KLC4: variants seen among roughly 807,000 people sequenced by gnomAD.
The protein encoded by KLC4 is kinesin-like protein 8.
Under a neutral mutation model 77.2 loss-of-function variants are expected in KLC4, and 49 were observed. The ratio of observed to expected loss-of-function variants is 0.63; its 90% CI spans 0.50 to 0.80. KLC4 has a LOEUF of 0.80. Ranked by LOEUF, KLC4 falls within the 30% of genes least tolerant of loss-of-function variation. The pLI is 0.00. For missense variants in KLC4, 669 were observed against 793.5 expected, an observed-to-expected ratio of 0.84 and a Z score of 1.89; for synonymous variants, 274 against 314.5, an observed-to-expected ratio of 0.87 and a Z score of 1.36.
chr6:43,068,577 G>A (rs1765571465), intron 6 of KLC4, among the ~76,000 whole-genome samples: 1 of 150,906 alleles, frequency 6.6e-6, no homozygotes, highest in Middle Eastern at 3.3e-3. Context: ...GGAGGCCAAG[G>A]CAGGTCGATC....
rs1765459531 is a variant in KLC4 at position 43,066,882 on chromosome 6, G to A, written c.792-114G>A. ...CCTTACTGTCCACGCCAGGCTTCCT[G>A]TCTCCTCATGGAGGTCTCCAATCCT... is the stretch of plus-strand genomic sequence containing the variant. On this transcript the variant is annotated intron_variant, in intron 5 of 15. Transcript: ENST00000347162. 6 of 1,469,354 alleles carry A rather than the reference G, an allele frequency of 4.1e-6. No homozygotes were observed. The Admixed American group carries it at 1.1e-4, about 26-fold the overall frequency. 91.0% of individuals were successfully genotyped at this position (1,469,354 alleles called of 1,614,324 possible). A position where few individuals can be genotyped will look rare whatever the true frequency, so the allele number is the denominator to read the frequency against.
intron 1 of KLC4, chr6:43,060,551 T>C: frequency 8.0e-7 from 1 of 1,253,378 alleles, no homozygotes; most frequent in Middle Eastern, 3.4e-4. Context: ...TGCAGAACAG[T>C]TTCTTCCGTG....
In KLC4 at chr6:43,075,018, C is replaced by T. The variant is rs1582033581; in HGVS notation, c.*346C>T. 3.2e-6 allele frequency: 1 copy of T among 313,152 alleles called. No individual in the cohort carries two copies. Among genetic ancestry groups the T allele is most frequent in the Non-Finnish European group, 6.0e-6 (1 of 166,306 alleles). 19.4% of individuals were successfully genotyped at this position (313,152 alleles called of 1,614,324 possible). On this transcript the variant is annotated 3_prime_UTR_variant, in exon 16 of 16. Coordinates refer to ENST00000347162, the MANE Select transcript of KLC4 (RefSeq NM_201521.3). ...GCCAAGCTGCCTTGCCCTGGCCGCTCTTACTCCCTCCCTCTGCTGTCTCAC... is the reference window on the plus strand; with the variant it reads ...GCCAAGCTGCCTTGCCCTGGCCGCTTTTACTCCCTCCCTCTGCTGTCTCAC...
In KLC4 at chr6:43,071,798, A is replaced by AT. The variant is rs1164450491; in HGVS notation, c.1309-52dup. 5.7e-6 allele frequency: 9 copies of AT among 1,575,330 alleles called. No homozygotes were observed. The African/African-American group carries it at 1.1e-4, about 19-fold the overall frequency. On this transcript the variant is annotated intron_variant, in intron 10 of 15. Coordinates refer to ENST00000347162, the MANE Select transcript of KLC4 (RefSeq NM_201521.3). ...CCACCTTGCATCTCAGCATCTCTGT[A>AT]TTCTTATATTTGGCTCTCCCTGCCC...
At position 43,062,994 on chromosome 6, in the gene KLC4, A is replaced by G. The variant is rs147369591; in HGVS notation, c.336A>G (p.Leu112=). ...AGCTGCGGGCTCAGGTGCGGCGGCT[A>G]TGCCAGGAGAACCAGTGGCTGCGGG... is the stretch of plus-strand genomic sequence containing the variant. ...KQKLRAQVRR[L]CQENQWLRDE... is the part of the protein sequence containing the mutation. The change falls in exon 3 of 16, where the codon CTA becomes CTG. Residue 112 remains leucine, a synonymous_variant. Coordinates refer to ENST00000347162, the MANE Select transcript of KLC4 (RefSeq NM_201521.3). 1.2e-6 allele frequency: 2 copies of G among 1,614,056 alleles called. No homozygotes were observed. Among genetic ancestry groups the G allele is most frequent in the African/African-American group, 2.7e-5 (2 of 74,938 alleles).
intron 15 of KLC4, chr6:43,074,341 C>G (rs1255605408): frequency 4.0e-6 from 2 of 494,250 alleles, no homozygotes; most frequent in Non-Finnish European, 7.1e-6. Context: ...TCTGAGAAAA[C>G]ACTAGTGATA....
At position 43,061,383 on chromosome 6, in the gene KLC4, G is replaced by T. The variant is rs1288711384; in HGVS notation, c.48G>T (p.Arg16=). The change falls in exon 2 of 16, where the codon CGG becomes CGT. Residue 16 remains arginine, a synonymous_variant. Coordinates refer to ENST00000347162, the MANE Select transcript of KLC4 (RefSeq NM_201521.3). ...AGCGGGATGAGCCTGCAGGCCACCG[G>T]CTCAGCCAAGAGGAGATCCTGGGGA... ...LGQRDEPAGH[R]LSQEEILGST... is the part of the protein sequence containing the mutation. The T allele has an allele frequency of 1.9e-6, 3 of 1,613,768 alleles. No homozygotes were observed. The highest frequency in any genetic ancestry group is 3.3e-5 in the Admixed American group (2 of 59,998).
In KLC4 at chr6:43,060,325, G is replaced by A. The variant is rs113446231; in HGVS notation, c.-26+640G>A. ...TCTCTCATTCCCTTCCTGGGAGACA[G>A]TAGCTCCCTAGGCCTGCAATGAGGG... On this transcript the variant is annotated intron_variant, in intron 1 of 15. Transcript: ENST00000347162. 4 of 1,603,476 alleles carry A rather than the reference G, an allele frequency of 2.5e-6. No homozygotes were observed. The African/African-American group carries it at 4.0e-5, about 16-fold the overall frequency.
Position 43,059,684 on chromosome 6 carries a change from A to C in KLC4, c.-27A>C, listed in dbSNP as rs1765032294. The C allele has an allele frequency of 2.2e-6, 3 of 1,335,996 alleles. No individual in the cohort carries two copies. The highest frequency in any genetic ancestry group is 3.0e-5 in the African/African-American group (2 of 67,438). 82.8% of individuals were successfully genotyped at this position (1,335,996 alleles called of 1,614,324 possible). ...AGCGGCAGCCACACCGGCAGATTGC[A>C]GGTGAGTCTTTGAGGGTATCCTGGG... On this transcript the variant is annotated splice_region_variant and 5_prime_UTR_variant, in exon 1 of 16. Coordinates refer to ENST00000347162, the MANE Select transcript of KLC4 (RefSeq NM_201521.3).
intron 1 of KLC4, chr6:43,060,030 A>C: frequency 6.9e-7 from 1 of 1,448,224 alleles, no homozygotes; most frequent in Non-Finnish European, 9.1e-7. Flanking sequence ...CGACAGCCCG[A>C]GGCACTCCTC....
intron 6 of KLC4, among the ~76,000 whole-genome samples, chr6:43,068,179 A>G (rs1246830552): frequency 6.6e-6 from 1 of 151,068 alleles, no homozygotes; most frequent in Non-Finnish European, 1.5e-5. Flanking sequence ...ACAGTATTAT[A>G]AGAAATCACA....
chr6:43,069,031 C>A (rs571783586), intron 6 of KLC4, among the ~76,000 whole-genome samples: 174 of 152,168 alleles, frequency 1.1e-3, no homozygotes, highest in African/African-American at 3.6e-3. Context: ...TTGCTTGAAC[C>A]CAGGAGGCTG....
At chr6:43,067,576 C>T (rs55918002) in intron 6 of KLC4, among the ~76,000 whole-genome samples, 34,571 of 151,658 alleles carry the variant, frequency 0.23, 6,371 homozygotes, top group African/African-American at 0.51. Flanking sequence ...GGGTGGATCA[C>T]GAGGTCAGGA....
chr6:43,061,686 C>T (rs1349637824), intron 2 of KLC4, 93 bp downstream of exon 2: 1 of 1,282,170 alleles, frequency 7.8e-7, no homozygotes, highest in Non-Finnish European at 1.1e-6. Flanking sequence ...TCACCTCACT[C>T]TAGACGTTTG....
chr6:43,070,904 A>AGGGGGGCACAGAGGT, intron 8 of KLC4, 39 bp downstream of exon 8: 1 of 156,996 alleles, frequency 6.4e-6, no homozygotes. Context: ...AGAAACGGAG[A>AGGGGGGCACAGAGGT]GGGGGGCACA....
In KLC4 at chr6:43,072,222, C is replaced by T. The variant is rs73733797; in HGVS notation, c.1455C>T (p.Thr485=). The T allele has an allele frequency of 1.8e-3, 2,939 of 1,614,068 alleles. 51 individuals are homozygous for T. The African/African-American group carries it at 0.032, about 18-fold the overall frequency. The change falls in exon 12 of 16, where the codon ACC becomes ACT. Residue 485 remains threonine (T), a synonymous_variant. Coordinates refer to ENST00000347162, the MANE Select transcript of KLC4 (RefSeq NM_201521.3). ...AGGGAAAGCTGGAGGCTGCTGAGACCCTGGAGGAATGTGCCCTGCGGTCCC... is the reference window on the plus strand; with the variant it reads ...AGGGAAAGCTGGAGGCTGCTGAGACTCTGGAGGAATGTGCCCTGCGGTCCC... The part of the protein sequence containing the change: ...RRQGKLEAAE[T]LEECALRSRR...
At chr6:43,071,759 A>C in intron 10 of KLC4, 93 bp from the exon 11 acceptor site, 2 of 1,484,202 alleles carry the variant, frequency 1.3e-6, no homozygotes, top group Non-Finnish European at 1.9e-6. Flanking sequence ...CCCAGCCTGC[A>C]CCCTAGCCCC....
chr6:43,071,860 C>T lies in KLC4; in HGVS notation c.1317C>T (p.His439=). Residue 439 remains histidine, a synonymous_variant, in exon 11 of 16, where the codon CAC becomes CAT. Transcript: ENST00000347162. ...EEREEMSKSR[H]HEGGTPYAEY... ...CTCTCTCTGTCCTGCAGAGCCGGCACCATGAGGGTGGGACACCCTATGCTG... is the reference window on the plus strand; with the variant it reads ...CTCTCTCTGTCCTGCAGAGCCGGCATCATGAGGGTGGGACACCCTATGCTG... The T allele has an allele frequency of 6.2e-7, 1 of 1,612,230 alleles. No homozygotes were observed. Among genetic ancestry groups the T allele is most frequent in the Non-Finnish European group, 8.5e-7 (1 of 1,179,676 alleles).
At chr6:43,071,709 C>T in intron 10 of KLC4, 90 bp downstream of exon 10, 2 of 1,475,576 alleles carry the variant, frequency 1.4e-6, no homozygotes, top group Non-Finnish European at 1.9e-6. Flanking sequence ...TCTCACTTCC[C>T]ATCCCAGCAC....
Sources: gnomAD v4.1 joint callset for allele counts (sites outside exome capture counted in the v4.1 genomes callset) on GRCh38, gnomAD v4.1.1 for gene constraint, MANE v1.5 for transcripts, NCBI Gene and HGNC (gene_info 2026-07-23, HGNC 2026-07-21) for gene names.